The following FAM227B variants were observed in gnomAD, a reference collection of about 807,000 sequenced individuals.
FAM227B encodes the protein protein FAM227B.
Under a neutral mutation model 73.8 loss-of-function variants are expected in FAM227B, and 88 were observed. The observed-to-expected ratio is 1.19, with a 90% CI of 1.00 to 1.42. The LOEUF (loss-of-function observed/expected upper bound fraction) is 1.42, where lower values mean the gene tolerates loss of function less well. Ranked by LOEUF, FAM227B falls within the 40% of genes most tolerant of loss-of-function variation. The probability of loss-of-function intolerance (pLI) is 0.00; values close to 1 mark genes in which losing one functional copy is unlikely to be tolerated. For missense variants in FAM227B, 632 were observed against 590.9 expected (o/e 1.07, Z -0.72); for synonymous variants, 210 against 190.5 (o/e 1.10, Z -0.84).
At chr15:49,473,331 T>C (rs1462561697) in intron 11 of FAM227B, among the ~76,000 whole-genome samples, 1 of 152,126 alleles carries the variant, frequency 6.6e-6, no homozygotes, top group Non-Finnish European at 1.5e-5. Context: ...TAACAAACCA[T>C]TGGTTAACAA....
intron 3 of FAM227B, among the ~76,000 whole-genome samples, chr15:49,606,878 T>C (rs940727395): frequency 5.9e-5 from 9 of 152,218 alleles, no homozygotes; most frequent in Non-Finnish European, 1.2e-4. Flanking sequence ...ACATTAATAT[T>C]TGCAAATCTA....
At chr15:49,592,122 T>C (rs997416603) in intron 3 of FAM227B, among the ~76,000 whole-genome samples, 6 of 152,184 alleles carry the variant, frequency 3.9e-5, no homozygotes, top group African/African-American at 1.4e-4. Flanking sequence ...CATGTTCCTT[T>C]AGCTCACAGA....
intron 11 of FAM227B, among the ~76,000 whole-genome samples, chr15:49,476,431 A>G (rs1260159183): frequency 2.6e-5 from 4 of 151,928 alleles, no homozygotes; most frequent in Non-Finnish European, 5.9e-5. Flanking sequence ...GAGATACTGT[A>G]CACTTAACAA....
chr15:49,485,830 GTA>G (rs1225865129), intron 11 of FAM227B: 1 of 152,062 alleles, frequency 6.6e-6, no homozygotes, highest in Non-Finnish European at 1.5e-5. Flanking sequence ...TTAAAACTAT[GTA>G]TATTTAAATT....
chr15:49,541,642 C>T, intron 10 of FAM227B, 38 bp downstream of exon 10: 1 of 1,354,574 alleles, frequency 7.4e-7, no homozygotes, highest in African/African-American at 1.5e-5. Context: ...ATTTTAGAAA[C>T]CAAAACAATG....
chr15:49,483,233 G>A, intron 11 of FAM227B: 1 of 1,579,176 alleles, frequency 6.3e-7, no homozygotes, highest in Middle Eastern at 2.3e-4. Context: ...CAATGAACAA[G>A]GAAGGAAAAC....
At chr15:49,454,984 T>C (rs2053143117) in intron 11 of FAM227B, among the ~76,000 whole-genome samples, 1 of 152,096 alleles carries the variant, frequency 6.6e-6, no homozygotes, top group Non-Finnish European at 1.5e-5. Context: ...GGGATTTTAG[T>C]GAGGTGGGAT....
intron 11 of FAM227B, among the ~76,000 whole-genome samples, chr15:49,489,883 T>TATATATATAGAGAGAG (rs1555505060): frequency 4.4e-5 from 1 of 22,948 alleles, no homozygotes; most frequent in Non-Finnish European, 1.0e-4. Flanking sequence ...TATATATATA[T>TATATATATAGAGAGAG]AGAGAGAGAG....
At chr15:49,549,207 A>G (rs1288487286) in intron 9 of FAM227B, among the ~76,000 whole-genome samples, 1 of 152,054 alleles carries the variant, frequency 6.6e-6, no homozygotes, top group Non-Finnish European at 1.5e-5. Flanking sequence ...GTGTTTCCAT[A>G]GTCGTTTGTT....
At chr15:49,364,874 T>A (rs1162620717) in intron 13 of FAM227B, among the ~76,000 whole-genome samples, 3 of 152,044 alleles carry the variant, frequency 2.0e-5, no homozygotes, top group African/African-American at 7.2e-5. Context: ...AAGAAAAATA[T>A]ACTCTATGTA....
intron 8 of FAM227B, among the ~76,000 whole-genome samples, chr15:49,571,183 T>C (rs2075072460): frequency 6.6e-6 from 1 of 151,850 alleles, no homozygotes; most frequent in South Asian, 2.1e-4. Context: ...TAATTTACTT[T>C]GTTCCTTTTA....
intron 15 of FAM227B, chr15:49,328,923 AAC>A: frequency 8.3e-7 from 1 of 1,212,118 alleles, no homozygotes; most frequent in Non-Finnish European, 1.0e-6. Context: ...TTAGATAAAA[AAC>A]ACTTTAAGAC....
intron 11 of FAM227B, among the ~76,000 whole-genome samples, chr15:49,446,051 T>C (rs1003876621): frequency 4.0e-5 from 6 of 151,702 alleles, no homozygotes; most frequent in East Asian, 1.9e-4. Flanking sequence ...ATTAAAACTA[T>C]GGTGTATTTC....
chr15:49,571,350 TA>T (rs1323079262), intron 8 of FAM227B, among the ~76,000 whole-genome samples: 1 of 152,022 alleles, frequency 6.6e-6, no homozygotes. Context: ...TGAAGCTTTT[TA>T]GTTTGACGCA....
chr15:49,440,961 A>T (rs188379819), intron 11 of FAM227B, among the ~76,000 whole-genome samples: 46 of 151,944 alleles, frequency 3.0e-4, no homozygotes, highest in Admixed American at 2.0e-3. Context: ...AAGAAAACTC[A>T]ACCTGCTTAC....
chr15:49,373,489 A>T (rs1217586983), intron 11 of FAM227B, among the ~76,000 whole-genome samples: 1 of 152,072 alleles, frequency 6.6e-6, no homozygotes, highest in Non-Finnish European at 1.5e-5. Context: ...TGTTCTCAGC[A>T]TCTCTGAAAG....
chr15:49,391,644 T>C (rs917134919), intron 11 of FAM227B, among the ~76,000 whole-genome samples: 1 of 152,050 alleles, frequency 6.6e-6, no homozygotes, highest in African/African-American at 2.4e-5. Context: ...GACCCCAAGT[T>C]TTTAAACAAA....
intron 14 of FAM227B, among the ~76,000 whole-genome samples, chr15:49,334,692 C>T (rs896951444): frequency 5.9e-5 from 9 of 152,016 alleles, no homozygotes; most frequent in Non-Finnish European, 8.8e-5. Context: ...TAGATCTGCC[C>T]GCTGGATAGG....
At chr15:49,410,828 T>C (rs1358025309) in intron 11 of FAM227B, among the ~76,000 whole-genome samples, 1 of 152,032 alleles carries the variant, frequency 6.6e-6, no homozygotes, top group Non-Finnish European at 1.5e-5. Context: ...GGAATACTGA[T>C]TAGAATGGAA....
Sources: allele counts gnomAD v4.1 joint callset (sites outside exome capture counted in the v4.1 genomes callset), GRCh38; gene constraint gnomAD v4.1.1; transcripts MANE v1.5; gene names NCBI Gene and HGNC (gene_info 2026-07-23, HGNC 2026-07-21).